Variants in CDH23 observed in about 807,000 individuals in gnomAD.
CDH23 encodes the protein cadherin-23.
In CDH23, 189 loss-of-function variants were observed where a neutral mutation model predicts 317.1. The observed-to-expected ratio is 0.60, with a 90% CI of 0.53 to 0.67. The LOEUF (loss-of-function observed/expected upper bound fraction) is 0.67, where lower values mean the gene tolerates loss of function less well. Ranked by LOEUF, CDH23 falls within the 30% of genes least tolerant of loss-of-function variation. The probability of loss-of-function intolerance (pLI) is 0.00; values close to 1 mark genes in which losing one functional copy is unlikely to be tolerated. For synonymous variants in CDH23, 1,839 were observed against 1,876.8 expected, an observed-to-expected ratio of 0.98 and a Z score of 0.52; for missense variants, 4,401 against 4,592.4, an observed-to-expected ratio of 0.96 and a Z score of 1.20.
At chr10:71,456,802 A>G (rs1307175463) in intron 3 of CDH23, among the ~76,000 whole-genome samples, 2 of 152,352 alleles carry the variant, frequency 1.3e-5, no homozygotes, top group East Asian at 1.9e-4. Context: ...TATAACCCTC[A>G]TTTTGCAGTT....
chr10:71,410,259 T>G (rs1848288260), intron 1 of CDH23, among the ~76,000 whole-genome samples: 2 of 152,238 alleles, frequency 1.3e-5, no homozygotes, highest in South Asian at 4.1e-4. Flanking sequence ...ACTGTTATTC[T>G]CAGCTTCTGC....
At chr10:71,730,713 T>A (rs1839347403) in intron 31 of CDH23, 109 bp downstream of exon 31, 2 of 1,495,872 alleles carry the variant, frequency 1.3e-6, no homozygotes, top group Non-Finnish European at 1.8e-6. Flanking sequence ...GGCTCCCCAT[T>A]TAGCCATGTC....
intron 9 of CDH23, among the ~76,000 whole-genome samples, 182 bp from the exon 10 acceptor site, chr10:71,615,322 C>T (rs1861119764): frequency 1.3e-5 from 2 of 152,274 alleles, no homozygotes; most frequent in Middle Eastern, 3.4e-3. Context: ...TGCTGTCTGC[C>T]GGCTGCTCCA....
At chr10:71,499,199 GTGGATCTCA>G (rs559794855) in intron 3 of CDH23, among the ~76,000 whole-genome samples, 23 of 152,298 alleles carry the variant, frequency 1.5e-4, no homozygotes, top group African/African-American at 5.5e-4. Context: ...AGCTTAAAAA[GTGGATCTCA>G]TGGAAGTAGA....
chr10:71,537,569 G>C (rs1355830785), intron 6 of CDH23, among the ~76,000 whole-genome samples: 2 of 152,198 alleles, frequency 1.3e-5, no homozygotes, highest in Non-Finnish European at 2.9e-5. Context: ...GGAATATAAA[G>C]AGCCTTTCTC....
At chr10:71,735,913 G>A (rs373621694) in intron 34 of CDH23, among the ~76,000 whole-genome samples, 15 of 152,212 alleles carry the variant, frequency 9.9e-5, no homozygotes, top group East Asian at 5.8e-4. Context: ...AGCCACCTGC[G>A]TCCTGCCACT....
intron 17 of CDH23, among the ~76,000 whole-genome samples, chr10:71,682,202 A>G (rs926790599): frequency 6.6e-6 from 1 of 152,232 alleles, no homozygotes; most frequent in Non-Finnish European, 1.5e-5. Context: ...TGGTTTCTTC[A>G]TCTGTAAAAG....
intron 20 of CDH23, 86 bp downstream of exon 20, chr10:71,690,670 C>T: frequency 3.4e-6 from 3 of 878,046 alleles, no homozygotes; most frequent in Non-Finnish European, 5.6e-6. Context: ...CCTCTGGGCC[C>T]AGGTCCCCTT....
At chr10:71,677,825 G>A in intron 16 of CDH23, 132 bp downstream of exon 16, 1 of 736,220 alleles carries the variant, frequency 1.4e-6, no homozygotes, top group Non-Finnish European at 2.3e-6. Flanking sequence ...GAGTGCAGTG[G>A]TACAATCAGA....
chr10:71,434,930 G>T (rs530349432), intron 1 of CDH23, among the ~76,000 whole-genome samples: 1 of 152,148 alleles, frequency 6.6e-6, no homozygotes, highest in Non-Finnish European at 1.5e-5. Context: ...TTCTTGGCAT[G>T]TGCAGCTTAC....
intron 3 of CDH23, 30 bp downstream of exon 3, chr10:71,446,425 C>A: frequency 6.2e-7 from 1 of 1,604,182 alleles, no homozygotes. Context: ...GGTGGGCGTG[C>A]AGATGGCCTG....
At chr10:71,807,789 C>T in intron 59 of CDH23, 22 bp downstream of exon 59, 1 of 1,585,932 alleles carries the variant, frequency 6.3e-7, no homozygotes, top group Non-Finnish European at 8.6e-7. Context: ...GGAGCCTGGG[C>T]ACGAGGTGTG....
rs1038870532 is a variant in CDH23, at chr10:71,815,655, C to T, written c.*377C>T. On this transcript the variant is annotated 3_prime_UTR_variant, in exon 70 of 70. Coordinates refer to ENST00000224721, the MANE Select transcript of CDH23 (RefSeq NM_022124.6). ...TCCACCCCGCAAGCACCATCCCCTC[C>T]GGCTAAGCAGGCGCAAGGGAGGCCC... 31 of 180,502 alleles carry T rather than the reference C, an allele frequency of 1.7e-4. No homozygotes were observed. The highest frequency in any genetic ancestry group is 6.1e-4 in the African/African-American group (26 of 42,440). The allele number at this position is 180,502 out of a possible 1,614,324, so 11.2% of individuals were successfully genotyped here.
At chr10:71,811,103 A>AG (rs1841906080) in intron 62 of CDH23, among the ~76,000 whole-genome samples, 1 of 139,002 alleles carries the variant, frequency 7.2e-6, no homozygotes, top group Non-Finnish European at 1.6e-5. Context: ...AAAAAAAAAA[A>AG]GGGAGTATTC....
intron 22 of CDH23, among the ~76,000 whole-genome samples, chr10:71,697,787 AC>A (rs1323975521): frequency 6.6e-6 from 1 of 152,144 alleles, no homozygotes; most frequent in Non-Finnish European, 1.5e-5. Context: ...CCCTTGCCAG[AC>A]CTACAAAACC....
chr10:71,611,185 G>A (rs776060354), intron 9 of CDH23, among the ~76,000 whole-genome samples: 5 of 152,082 alleles, frequency 3.3e-5, no homozygotes, highest in Admixed American at 6.6e-5. Context: ...CAAGCCCACA[G>A]CGCCTGTGGA....
At chr10:71,487,880 C>T (rs1852437607) in intron 3 of CDH23, among the ~76,000 whole-genome samples, 1 of 152,224 alleles carries the variant, frequency 6.6e-6, no homozygotes, top group African/African-American at 2.4e-5. Flanking sequence ...AAACAGCCTA[C>T]TTCCTTCTCA....
intron 14 of CDH23, chr10:71,647,735 G>C (rs548505526): frequency 6.6e-6 from 1 of 152,336 alleles, no homozygotes; most frequent in East Asian, 1.9e-4. Context: ...CCCCCTAGTG[G>C]ACCCAGGGGT....
intron 6 of CDH23, among the ~76,000 whole-genome samples, chr10:71,524,621 A>AT (rs1258491636): frequency 7.2e-5 from 11 of 152,116 alleles, no homozygotes; most frequent in African/African-American, 2.7e-4. Flanking sequence ...TGACTGTGTG[A>AT]CCCCACATGG....
Sources: allele counts gnomAD v4.1 joint callset (sites outside exome capture counted in the v4.1 genomes callset), GRCh38; gene constraint gnomAD v4.1.1; transcripts MANE v1.5; gene names NCBI Gene and HGNC (gene_info 2026-07-23, HGNC 2026-07-21).